CMIP: variants seen among roughly 807,000 people sequenced by gnomAD.
The protein encoded by CMIP is C-Maf-inducing protein.
In CMIP, 13 loss-of-function variants were observed where a neutral mutation model predicts 97.3. The observed-to-expected ratio is 0.13, with a 90% CI of 0.09 to 0.21. The LOEUF (loss-of-function observed/expected upper bound fraction) is 0.21, where lower values mean the gene tolerates loss of function less well. CMIP is among the 10% of genes least tolerant of loss of function. CMIP has a pLI of 1.00. For synonymous variants in CMIP, 538 were observed against 436.3 expected, an observed-to-expected ratio of 1.23 and a Z score of -2.91; for missense variants, 847 against 1,024.9, an observed-to-expected ratio of 0.83 and a Z score of 2.37.
intron 8 of CMIP, 76 bp downstream of exon 8, chr16:81,670,321 C>G (rs535354466): frequency 6.9e-7 from 1 of 1,446,706 alleles, no homozygotes; most frequent in South Asian, 1.2e-5. Context: ...CAGATATCCA[C>G]GGGGGGCTGT....
At chr16:81,563,799 C>T (rs1016706520) in intron 1 of CMIP, among the ~76,000 whole-genome samples, 1 of 152,220 alleles carries the variant, frequency 6.6e-6, no homozygotes, top group African/African-American at 2.4e-5. Context: ...AGAAAAGCTT[C>T]TGCCTTTTAG....
Position 81,693,818 on chromosome 16 carries a change from G to A in CMIP, c.1530+331G>A, listed in dbSNP as rs373734223. Among the ~76,000 whole-genome samples the A allele has an allele frequency of 4.9e-4, 75 of 152,340 alleles. No individual in the cohort carries two copies. The South Asian group carries it at 0.015, about 30-fold the overall frequency. On this transcript the variant is annotated intron_variant, in intron 13 of 20. Transcript: ENST00000537098. ...TGATCCTGTCTGGTTCTGCTATTAT[G>A]TGAATCACTGGGCAGAGCAAGGAAT...
intron 1 of CMIP, among the ~76,000 whole-genome samples, chr16:81,468,338 C>T (rs978551092): frequency 3.9e-5 from 6 of 152,246 alleles, no homozygotes; most frequent in African/African-American, 1.2e-4. Context: ...GGAAGTAGAG[C>T]GCAAACTCAG....
Position 81,678,573 on chromosome 16 carries a change from C to T in CMIP, c.1333C>T (p.Leu445=), listed in dbSNP as rs764411389. The change falls in exon 10 of 21, where the codon CTG becomes TTG. Residue 445 remains leucine, a synonymous_variant. Transcript: ENST00000537098. ...CGCCTGCAGCACCATGAGCATCGAG[C>T]TGGGCCCCCAGGCCGACCGCACGCT... The part of the protein sequence containing the change: ...SPACSTMSIE[L]GPQADRTLGC... 6.2e-7 allele frequency: 1 copy of T among 1,607,602 alleles called. No individual in the cohort carries two copies. The highest frequency in any genetic ancestry group is 1.1e-5 in the South Asian group (1 of 90,732).
intron 3 of CMIP, among the ~76,000 whole-genome samples, chr16:81,641,340 A>G (rs542480891): frequency 1.3e-5 from 2 of 152,142 alleles, no homozygotes; most frequent in African/African-American, 4.8e-5. Context: ...TCACCATCCA[A>G]CACATCGGAG....
intron 1 of CMIP, among the ~76,000 whole-genome samples, chr16:81,479,792 T>C (rs1360574945): frequency 6.6e-6 from 1 of 152,050 alleles, no homozygotes; most frequent in East Asian, 1.9e-4. Flanking sequence ...CACTCCTCTT[T>C]CCCCCTACCC....
rs184439399 is a variant in CMIP at position 81,480,477 on chromosome 16, C to T, written c.300+34936C>T. Among the ~76,000 whole-genome samples the T allele has an allele frequency of 2.5e-3, 376 of 152,266 alleles. 1 individual carries two copies. Among genetic ancestry groups the T allele is most frequent in the Non-Finnish European group, 4.1e-3 (277 of 68,004 alleles). The stretch of plus-strand genomic sequence containing the variant: ...ATCGCTTGAACCCGAGAGGCAGAGG[C>T]TGCAGTGAGCCAAGATCGTGCCACT... On this transcript the variant is annotated intron_variant, in intron 1 of 20. Transcript: ENST00000537098.
intron 14 of CMIP, 116 bp downstream of exon 14, chr16:81,696,783 C>T (rs1906776584): frequency 1.2e-6 from 1 of 864,310 alleles, no homozygotes; most frequent in East Asian, 2.7e-5. Context: ...TCCCGGCTAA[C>T]ACAGTGCTGA....
intron 1 of CMIP, among the ~76,000 whole-genome samples, chr16:81,553,480 G>A (rs562167866): frequency 2.9e-4 from 44 of 151,858 alleles, no homozygotes; most frequent in African/African-American, 8.7e-4. Flanking sequence ...TTTCAGAGTC[G>A]TCTGATGAAG....
chr16:81,623,333 T>G (rs1259203688), intron 3 of CMIP, among the ~76,000 whole-genome samples: 1 of 152,220 alleles, frequency 6.6e-6, no homozygotes, highest in African/African-American at 2.4e-5. Context: ...TATGGTGGCA[T>G]CCGGTTTATT....
At chr16:81,615,108 G>C (rs2091893482) in intron 2 of CMIP, among the ~76,000 whole-genome samples, 1 of 148,476 alleles carries the variant, frequency 6.7e-6, no homozygotes, top group East Asian at 2.0e-4. Context: ...GGTGTGTATG[G>C]TATGTGTCTG....
chr16:81,652,482 T>G lies in CMIP; in HGVS notation c.639+118T>G, dbSNP rs1339777460. 1.1e-6 allele frequency: 1 copy of G among 918,276 alleles called. No individual in the cohort carries two copies. Among genetic ancestry groups the G allele is most frequent in the African/African-American group, 1.7e-5 (1 of 59,670 alleles). 56.9% of individuals were successfully genotyped at this position (918,276 alleles called of 1,614,324 possible). ...CGTGTGGGCTGTGTTGTTGCCCTGC[T>G]GCCGAAGGAGGTGAGCAGTTGCCCA... On this transcript the variant is annotated intron_variant, in intron 4 of 20. Transcript: ENST00000537098. The surrounding 1 kb of genome is among the most constrained non-coding windows in gnomAD (Gnocchi z 5.2).
At chr16:81,670,651 G>A (rs901768330) in intron 8 of CMIP, among the ~76,000 whole-genome samples, 2 of 138,922 alleles carry the variant, frequency 1.4e-5, no homozygotes, top group Non-Finnish European at 3.1e-5. Context: ...CTTTTGCTTT[G>A]TTTAATTTTA....
At position 81,491,556 on chromosome 16, in the gene CMIP, G is replaced by GA. The variant is rs1220648225; in HGVS notation, c.300+46022dup. On this transcript the variant is annotated intron_variant, in intron 1 of 20. Coordinates refer to ENST00000537098, the MANE Select transcript of CMIP (RefSeq NM_198390.3). ...CATGGAAGATAATTTAAAAGAAGAC[G>GA]AAAAAAACCTCTTCATACAATTCAC... Among the ~76,000 whole-genome samples, 3 of 152,108 alleles carry GA rather than the reference G, an allele frequency of 2.0e-5. No homozygotes were observed. In the East Asian group the frequency reaches 5.8e-4, roughly 29 times the overall value.
chr16:81,554,403 A>G (rs2090720319), intron 1 of CMIP, among the ~76,000 whole-genome samples: 1 of 152,202 alleles, frequency 6.6e-6, no homozygotes, highest in African/African-American at 2.4e-5. Context: ...TTCCTGTAGC[A>G]TCCGTTCTGC....
At chr16:81,484,488 C>T (rs112952245) in intron 1 of CMIP, among the ~76,000 whole-genome samples, 2,937 of 152,256 alleles carry the variant, frequency 0.019, 32 homozygotes, top group Non-Finnish European at 0.03. Context: ...TGGTGGAGAA[C>T]GATCACCTGG....
intron 1 of CMIP, among the ~76,000 whole-genome samples, chr16:81,526,346 A>G (rs1244445057): frequency 6.6e-6 from 1 of 152,184 alleles, no homozygotes; most frequent in East Asian, 1.9e-4. Flanking sequence ...TGTTTCCATG[A>G]CGGCTGTAGG....
intron 1 of CMIP, among the ~76,000 whole-genome samples, chr16:81,485,493 C>T (rs1331622797): frequency 6.6e-6 from 1 of 152,256 alleles, no homozygotes; most frequent in Non-Finnish European, 1.5e-5. Context: ...CTTGTAGACA[C>T]TCCCCAGGTG....
intron 1 of CMIP, chr16:81,464,981 C>G (rs1485731366): frequency 6.6e-6 from 1 of 152,156 alleles, no homozygotes; most frequent in African/African-American, 2.4e-5. Flanking sequence ...TGAGTTGTTC[C>G]CTTGTTGGCT....
Sources: allele counts gnomAD v4.1 joint callset (sites outside exome capture counted in the v4.1 genomes callset), GRCh38; gene constraint gnomAD v4.1.1; non-coding constraint Gnocchi (gnomAD v3.1); transcripts MANE v1.5; gene names NCBI Gene and HGNC (gene_info 2026-07-23, HGNC 2026-07-21).